EPHB2: variants seen among roughly 807,000 people sequenced by gnomAD.
EPHB2 encodes the protein EPH receptor B2.
EPHB2 carries 18 observed loss-of-function variants against 96.4 expected under a neutral mutation model. The ratio of observed to expected loss-of-function variants is 0.19; its 90% CI spans 0.13 to 0.28. EPHB2 has a LOEUF of 0.28. Ranked by LOEUF, EPHB2 falls within the 10% of genes least tolerant of loss-of-function variation. The pLI is 1.00. For synonymous variants in EPHB2, 506 were observed against 534.1 expected, an observed-to-expected ratio of 0.95 and a Z score of 0.72; for missense variants, 989 against 1,355.4, an observed-to-expected ratio of 0.73 and a Z score of 4.25.
intron 3 of EPHB2, among the ~76,000 whole-genome samples, chr1:22,847,965 T>C (rs1405754008): frequency 1.3e-5 from 2 of 152,024 alleles, no homozygotes; most frequent in Non-Finnish European, 2.9e-5. Flanking sequence ...CTAATCATAC[T>C]CTCTCTCCCC....
chr1:22,744,730 C>G (rs1643947443), intron 1 of EPHB2, among the ~76,000 whole-genome samples: 1 of 143,372 alleles, frequency 7.0e-6, no homozygotes, highest in Non-Finnish European at 1.5e-5. Context: ...GTGGCATGCA[C>G]TTGTAGTCTC....
intron 6 of EPHB2, chr1:22,882,708 C>A: frequency 1.9e-6 from 1 of 529,606 alleles, no homozygotes; most frequent in Non-Finnish European, 3.3e-6. Flanking sequence ...CTTTTCTGGT[C>A]TGGAGGATAC....
chr1:22,907,893 A>G, intron 11 of EPHB2, 60 bp from the exon 12 acceptor site: 1 of 1,587,282 alleles, frequency 6.3e-7, no homozygotes. Flanking sequence ...TATGAGGATG[A>G]TGCAGAGCTC....
At chr1:22,805,152 C>T (rs912437843) in intron 3 of EPHB2, among the ~76,000 whole-genome samples, 1 of 151,862 alleles carries the variant, frequency 6.6e-6, no homozygotes, top group African/African-American at 2.4e-5. Context: ...CGGGATGAGC[C>T]ATGCACCCGG....
intron 1 of EPHB2, among the ~76,000 whole-genome samples, chr1:22,763,794 C>T (rs10917295): frequency 0.014 from 2,075 of 152,232 alleles, 49 homozygotes; most frequent in African/African-American, 0.045. Context: ...AAATGGCCAG[C>T]GGGGGGTGAA....
chr1:22,799,715 C>T (rs1644815307), intron 3 of EPHB2, among the ~76,000 whole-genome samples: 1 of 152,158 alleles, frequency 6.6e-6, no homozygotes, highest in African/African-American at 2.4e-5. Context: ...TCACTGAACA[C>T]AGGTCGTTTG....
chr1:22,739,698 A>G (rs561536103), intron 1 of EPHB2, among the ~76,000 whole-genome samples: 1 of 152,238 alleles, frequency 6.6e-6, no homozygotes, highest in African/African-American at 2.4e-5. Context: ...TCCCAGTCTG[A>G]GCATTTCTGG....
chr1:22,712,035 C>T (rs1003789961), intron 1 of EPHB2, among the ~76,000 whole-genome samples: 3 of 152,228 alleles, frequency 2.0e-5, no homozygotes, highest in Admixed American at 6.5e-5. Flanking sequence ...GTTTTCAAAC[C>T]ACTTTACAGT....
chr1:22,801,108 C>T (rs1284159702), intron 3 of EPHB2, among the ~76,000 whole-genome samples: 2 of 152,232 alleles, frequency 1.3e-5, no homozygotes, highest in Non-Finnish European at 2.9e-5. Flanking sequence ...GCTGTATGGC[C>T]TTGGCCATTT....
chr1:22,749,795 G>A (rs912793782), intron 1 of EPHB2, among the ~76,000 whole-genome samples: 1 of 152,190 alleles, frequency 6.6e-6, no homozygotes, highest in African/African-American at 2.4e-5. Flanking sequence ...TATACTGGGG[G>A]CTGAAGATAC....
chr1:22,791,839 A>G (rs887882614), intron 3 of EPHB2, among the ~76,000 whole-genome samples: 1 of 152,014 alleles, frequency 6.6e-6, no homozygotes, highest in African/African-American at 2.4e-5. Context: ...TGCTGCTGAT[A>G]TTTGCGTAGG....
intron 1 of EPHB2, chr1:22,775,245 G>A (rs1323623885): frequency 6.4e-6 from 5 of 779,696 alleles, no homozygotes; most frequent in Admixed American, 5.1e-5. Context: ...ACTTATGCAG[G>A]TTGGTTCTCC....
At chr1:22,747,526 A>G (rs564378130) in intron 1 of EPHB2, among the ~76,000 whole-genome samples, 5 of 152,186 alleles carry the variant, frequency 3.3e-5, no homozygotes, top group Admixed American at 2.0e-4. Context: ...AAGCCCTTGC[A>G]CAGCCACAGG....
rs1002766199 is a variant in EPHB2 at position 22,743,953 on chromosome 1, C to A, written c.61+32910C>A. Among the ~76,000 whole-genome samples the A allele has an allele frequency of 2.6e-5, 4 of 152,206 alleles. No homozygotes were observed. In the East Asian group the frequency reaches 7.7e-4, roughly 29 times the overall value. On this transcript the variant is annotated intron_variant, in intron 1 of 15. Transcript: ENST00000374630. ...CAGCAGGTAATGACGCTGTTCTTAT[C>A]TGAACCCCCAAATTACAACGTAGGA...
In EPHB2 at chr1:22,834,858, G is replaced by C. The variant is rs531590202; in HGVS notation, c.812-28179G>C. On this transcript the variant is annotated intron_variant, in intron 3 of 15. Coordinates refer to ENST00000374630, the MANE Select transcript of EPHB2 (RefSeq NM_017449.5). The stretch of plus-strand genomic sequence containing the variant: ...GAGAATCACTTGAACCAGCGAGGCA[G>C]AGGTTGCAGTGAGCCGAGATCACAC... Among the ~76,000 whole-genome samples the C allele has an allele frequency of 2.8e-4, 43 of 152,130 alleles. No homozygotes were observed. In the Middle Eastern group the frequency reaches 0.014, roughly 48 times the overall value.
chr1:22,867,765 G>A (rs142236516), intron 5 of EPHB2, among the ~76,000 whole-genome samples: 2,093 of 152,250 alleles, frequency 0.014, 49 homozygotes, highest in African/African-American at 0.048. Context: ...CCAGCTACTC[G>A]AGAGGCTGAG....
At chr1:22,895,683 C>G in intron 8 of EPHB2, 103 bp downstream of exon 8, 1 of 1,091,586 alleles carries the variant, frequency 9.2e-7, no homozygotes, top group East Asian at 2.4e-5. Context: ...AGGAGGCATT[C>G]TCACAATTGC....
intron 1 of EPHB2, among the ~76,000 whole-genome samples, chr1:22,722,263 T>A (rs1360093403): frequency 6.6e-6 from 1 of 152,134 alleles, no homozygotes; most frequent in African/African-American, 2.4e-5. Flanking sequence ...TCCCAAATTG[T>A]TGGGATTACA....
chr1:22,790,305 C>A lies in EPHB2; in HGVS notation c.811+5229C>A, dbSNP rs974705166. On this transcript the variant is annotated intron_variant, in intron 3 of 15. Transcript: ENST00000374630. This position sits in a 1 kb window ranked among gnomAD's most constrained non-coding sequence, Gnocchi z 4.0. ...ATTTATTCACCTGTTCATTTTTTAT[C>A]GCATGCCTAATCGGGGTCTACACTG... Among the ~76,000 whole-genome samples, 1 of 151,906 alleles carries A rather than the reference C, an allele frequency of 6.6e-6. No homozygotes were observed. The highest frequency in any genetic ancestry group is 1.5e-5 in the Non-Finnish European group (1 of 67,958).
Sources: gnomAD v4.1 joint callset for allele counts (sites outside exome capture counted in the v4.1 genomes callset) on GRCh38, gnomAD v4.1.1 for gene constraint, Gnocchi (gnomAD v3.1) non-coding constraint, MANE v1.5 for transcripts, NCBI Gene and HGNC (gene_info 2026-07-23, HGNC 2026-07-21) for gene names.